The following TJP2 variants were observed in gnomAD, a reference collection of about 807,000 sequenced individuals.
The protein encoded by TJP2 is Friedreich ataxia region gene X104 (tight junction protein ZO-2).
Under a neutral mutation model 133.1 loss-of-function variants are expected in TJP2, and 91 were observed. That is an observed-to-expected ratio of 0.68 (90% CI 0.58 to 0.81). The LOEUF (loss-of-function observed/expected upper bound fraction) is 0.81. Ranked by LOEUF, TJP2 falls within the 40% of genes least tolerant of loss-of-function variation. TJP2 has a pLI of 0.00. For missense variants in TJP2, 1,541 were observed against 1,565.6 expected, an observed-to-expected ratio of 0.98 and a Z score of 0.26; for synonymous variants, 592 against 583.4, an observed-to-expected ratio of 1.01 and a Z score of -0.21.
chr9:69,221,136 G>A lies in TJP2; in HGVS notation c.592G>A (p.Gly198Ser). The A allele has an allele frequency of 6.3e-7, 1 of 1,591,176 alleles. No individual in the cohort carries two copies. Among genetic ancestry groups the A allele is most frequent in the Non-Finnish European group, 8.6e-7 (1 of 1,169,274 alleles). The change falls in exon 5 of 23, where the codon GGC becomes AGC. Residue 198 changes from glycine (G) to serine (S), a missense_variant. Transcript: ENST00000377245. ...GGACCTCAGCCGGGACCGGAGCCGT[G>A]GCCGGAGCCTGGAGCGGGGCCTGGA... ...ERDLSRDRSRGRSLERGLDQD... is the reference protein window; with the variant it reads ...ERDLSRDRSRSRSLERGLDQD...
At chr9:69,252,458 C>G (rs1329827520) in intron 21 of TJP2, among the ~76,000 whole-genome samples, 2 of 152,126 alleles carry the variant, frequency 1.3e-5, no homozygotes, top group Non-Finnish European at 1.5e-5. Context: ...TCCCTGGCAC[C>G]CACTCCTTTA....
Position 69,240,053 on chromosome 9 carries a change from G to A in TJP2, c.2472G>A (p.Met824Ile). Reference protein sequence around the residue: ...NPDSRQGVKTMRQRLNPTSNK... With the variant: ...NPDSRQGVKTIRQRLNPTSNK... ...ACTCCAGACAAGGTGTCAAAACCAT[G>A]AGACAAAGGTTAAATCCAACGTCCA... Residue 824 changes from methionine to isoleucine, a missense_variant, in exon 17 of 23, where the codon ATG becomes ATA. Physicochemically the swap from Met to Ile is conservative, Grantham distance 10 (BLOSUM62 1). Transcript: ENST00000377245. The A allele has an allele frequency of 6.2e-7, 1 of 1,614,036 alleles. No homozygotes were observed. Among genetic ancestry groups the A allele is most frequent in the East Asian group, 2.2e-5 (1 of 44,870 alleles).
At chr9:69,231,275 T>C (rs1367096841) in intron 11 of TJP2, among the ~76,000 whole-genome samples, 2 of 152,046 alleles carry the variant, frequency 1.3e-5, no homozygotes, top group Non-Finnish European at 2.9e-5. Flanking sequence ...TTTTTGTCTT[T>C]TTAGTAGAGA....
At chr9:69,174,604 G>A (rs1035149078) in intron 1 of TJP2, among the ~76,000 whole-genome samples, 172 bp downstream of exon 1, 1 of 152,232 alleles carries the variant, frequency 6.6e-6, no homozygotes, top group African/African-American at 2.4e-5. Flanking sequence ...TTCACCGTCC[G>A]GGCTGATGAC....
Position 69,227,819 on chromosome 9 carries a change from A to C in TJP2, c.1265A>C (p.Gln422Pro), listed in dbSNP as rs144928091. ...RSFSPEERRH[Q>P]YSDYDYHSSS... ...TTTTCTCCAGAGGAGAGACGTCATC[A>C]GTATTCTGATTATGATTATCATTCC... Residue 422 changes from glutamine to proline, a missense_variant, in exon 8 of 23, where the codon CAG becomes CCG. Transcript: ENST00000377245. The C allele has an allele frequency of 4.3e-6, 7 of 1,613,968 alleles. No homozygotes were observed. The South Asian group carries it at 6.6e-5, about 15-fold the overall frequency.
intron 22 of TJP2, 134 bp from the exon 23 acceptor site, chr9:69,254,075 G>T: frequency 2.0e-6 from 2 of 1,022,652 alleles, no homozygotes; most frequent in Non-Finnish European, 3.1e-6. Context: ...TGCCCTGGTT[G>T]CTCTGCAGAA....
At chr9:69,235,823 A>G (rs1405776153) in intron 12 of TJP2, among the ~76,000 whole-genome samples, 1 of 152,210 alleles carries the variant, frequency 6.6e-6, no homozygotes, top group Non-Finnish European at 1.5e-5. Flanking sequence ...TGGCCCAGTC[A>G]AGTTGAAATA....
chr9:69,147,243 C>A (rs538002652), intron 1 of TJP2, among the ~76,000 whole-genome samples: 42 of 152,294 alleles, frequency 2.8e-4, no homozygotes, highest in Middle Eastern at 6.8e-3. Context: ...CTGGGAGGAC[C>A]TTTGCCAGGG....
At chr9:69,186,989 C>T (rs949008324) in intron 1 of TJP2, among the ~76,000 whole-genome samples, 32 of 152,164 alleles carry the variant, frequency 2.1e-4, no homozygotes, top group Admixed American at 9.2e-4. Context: ...TGTGGGGAAA[C>T]AGGACTGGGC....
chr9:69,217,665 G>A lies in TJP2; in HGVS notation c.240-592G>A, dbSNP rs1301709287. ...CACACTACTGCAGTCCTTCCTGGGT[G>A]AGAGAGGGAAACCATGCCTCTTAAA... is the stretch of plus-strand genomic sequence containing the variant. On this transcript the variant is annotated intron_variant, in intron 3 of 22. Transcript: ENST00000377245. Among the ~76,000 whole-genome samples the A allele has an allele frequency of 2.6e-5, 4 of 152,212 alleles. No individual in the cohort carries two copies. In the East Asian group the frequency reaches 5.8e-4, roughly 22 times the overall value.
At chr9:69,147,786 T>A (rs571885460) in intron 1 of TJP2, among the ~76,000 whole-genome samples, 1 of 152,302 alleles carries the variant, frequency 6.6e-6, no homozygotes, top group East Asian at 1.9e-4. Flanking sequence ...AAGTTGAATG[T>A]GCCTTTTTTT....
intron 11 of TJP2, among the ~76,000 whole-genome samples, chr9:69,231,547 G>T (rs1829785971): frequency 1.3e-5 from 2 of 152,060 alleles, no homozygotes; most frequent in African/African-American, 2.4e-5. Context: ...AAGGAGAGGG[G>T]AGAAAAAAGT....
intron 13 of TJP2, 122 bp from the exon 14 acceptor site, chr9:69,236,827 C>G: frequency 8.3e-7 from 1 of 1,203,870 alleles, no homozygotes; most frequent in Non-Finnish European, 1.2e-6. Flanking sequence ...TCTGAAACTT[C>G]TTCATTGTCA....
At chr9:69,246,332 G>C (rs1052731659) in intron 17 of TJP2, 1 of 359,730 alleles carries the variant, frequency 2.8e-6, no homozygotes, top group African/African-American at 2.1e-5. Flanking sequence ...ATACTAATTA[G>C]TGTATACACC....
chr9:69,253,085 A>G (rs1321402657), intron 22 of TJP2, 185 bp downstream of exon 22: 1 of 631,428 alleles, frequency 1.6e-6, no homozygotes, highest in East Asian at 2.8e-5. Context: ...ACTTAAGCAT[A>G]GTTTGCTTGT....
chr9:69,239,895 T>G (rs777209253), intron 16 of TJP2, 42 bp from the exon 17 acceptor site: 1 of 1,470,676 alleles, frequency 6.8e-7, no homozygotes, highest in South Asian at 1.1e-5. Flanking sequence ...GCTATATTAC[T>G]TTATATATCC....
intron 1 of TJP2, among the ~76,000 whole-genome samples, chr9:69,139,306 AG>A (rs1406576524): frequency 6.6e-6 from 1 of 152,222 alleles, no homozygotes; most frequent in Non-Finnish European, 1.5e-5. Flanking sequence ...TCTATGTTCA[AG>A]TCCTAACCCC....
chr9:69,236,107 A>G lies in TJP2; in HGVS notation c.1860A>G (p.Pro620=), dbSNP rs1215130062. 5 of 1,614,080 alleles carry G rather than the reference A, an allele frequency of 3.1e-6. No individual in the cohort carries two copies. Among genetic ancestry groups the G allele is most frequent in the African/African-American group, 2.7e-5 (2 of 74,926 alleles). ...RSHFECEKET[P]QSLAFTRGEV... ...ACTTTGAATGTGAGAAGGAAACTCC[A>G]CAGAGCCTGGCCTTCACCAGAGGGG... is the stretch of plus-strand genomic sequence containing the variant. Residue 620 remains proline, a synonymous_variant, in exon 13 of 23, where the codon CCA becomes CCG. Transcript: ENST00000377245.
At chr9:69,241,410 C>T (rs1415620845) in intron 17 of TJP2, among the ~76,000 whole-genome samples, 2 of 152,170 alleles carry the variant, frequency 1.3e-5, no homozygotes, top group Non-Finnish European at 2.9e-5. Context: ...TGCCCATCAT[C>T]ATCCACCCAT....
Sources: gnomAD v4.1 joint callset for allele counts (sites outside exome capture counted in the v4.1 genomes callset) on GRCh38, gnomAD v4.1.1 for gene constraint, MANE v1.5 for transcripts, NCBI Gene and HGNC (gene_info 2026-07-23, HGNC 2026-07-21) for gene names.